Variants in HMBOX1 observed in about 807,000 individuals in gnomAD.
HMBOX1 encodes homeobox containing 1, also known as homeobox-containing protein 1.
In HMBOX1, 14 loss-of-function variants were observed where a neutral mutation model predicts 54.5. The ratio of observed to expected loss-of-function variants is 0.26; its 90% CI spans 0.17 to 0.40. HMBOX1 has a LOEUF of 0.40. HMBOX1 is among the 10% of genes least tolerant of loss of function. HMBOX1 has a pLI of 1.00. For synonymous variants in HMBOX1, 160 were observed against 181.0 expected, an observed-to-expected ratio of 0.88 and a Z score of 0.93; for missense variants, 332 against 514.4, an observed-to-expected ratio of 0.65 and a Z score of 3.43.
chr8:28,900,435 A>G (rs1315004756), intron 1 of HMBOX1, among the ~76,000 whole-genome samples: 1 of 151,830 alleles, frequency 6.6e-6, no homozygotes, highest in Non-Finnish European at 1.5e-5. Context: ...ATGTCTACTT[A>G]GAACCTATTA....
At chr8:29,008,409 T>G (rs1833768473) in intron 4 of HMBOX1, among the ~76,000 whole-genome samples, 1 of 152,224 alleles carries the variant, frequency 6.6e-6, no homozygotes. Flanking sequence ...TGTTCAGTTT[T>G]GTGGAAAGCT....
chr8:28,921,256 A>T (rs1019421822), intron 1 of HMBOX1, among the ~76,000 whole-genome samples: 2 of 152,224 alleles, frequency 1.3e-5, no homozygotes, highest in African/African-American at 2.4e-5. Context: ...GAATCACTTG[A>T]GCCTGGGAGG....
intron 1 of HMBOX1, among the ~76,000 whole-genome samples, chr8:28,933,093 A>G (rs143724340): frequency 8.5e-5 from 13 of 152,238 alleles, no homozygotes; most frequent in Non-Finnish European, 7.4e-5. Context: ...TTTTGATGGA[A>G]AGAAGGGGAA....
At chr8:29,045,242 C>T (rs17526069) in intron 6 of HMBOX1, 119 bp from the exon 7 acceptor site, 88,195 of 769,076 alleles carry the variant, frequency 0.11, 5,435 homozygotes, top group Middle Eastern at 0.18. Context: ...CATTTGACAG[C>T]CTGGACCTAG....
intron 1 of HMBOX1, among the ~76,000 whole-genome samples, chr8:28,929,174 G>A (rs1289074931): frequency 6.6e-6 from 1 of 152,140 alleles, no homozygotes; most frequent in African/African-American, 2.4e-5. Context: ...AATCTGAGAG[G>A]CGTGGTACAA....
At position 29,051,308 on chromosome 8, in the gene HMBOX1, G is replaced by GC; in HGVS notation, c.*156dup. On this transcript the variant is annotated 3_prime_UTR_variant, in exon 10 of 10. Coordinates refer to ENST00000287701, the MANE Select transcript of HMBOX1 (RefSeq NM_001135726.3). ...TCTTGTTCTGTGAAGATGGCATGGT[G>GC]CCCTCAGCCTTTGCATATACTCTCT... The GC allele has an allele frequency of 1.3e-6, 1 of 772,554 alleles. No homozygotes were observed. The highest frequency in any genetic ancestry group is 2.1e-6 in the Non-Finnish European group (1 of 480,998). The allele number at this position is 772,554 out of a possible 1,614,324, so 47.9% of individuals were successfully genotyped here. A position where few individuals can be genotyped will look rare whatever the true frequency, so the allele number is the denominator to read the frequency against.
chr8:28,946,504 A>G (rs1316045001), intron 1 of HMBOX1, among the ~76,000 whole-genome samples: 1 of 151,866 alleles, frequency 6.6e-6, no homozygotes, highest in African/African-American at 2.4e-5. Context: ...CGGGAGGTGG[A>G]TGTTGCAGTG....
At chr8:29,021,016 A>C (rs185239272) in intron 6 of HMBOX1, among the ~76,000 whole-genome samples, 4 of 152,194 alleles carry the variant, frequency 2.6e-5, no homozygotes, top group African/African-American at 7.2e-5. Flanking sequence ...CTCTACAAAA[A>C]ATTCAAAAAA....
intron 6 of HMBOX1, among the ~76,000 whole-genome samples, chr8:29,043,087 T>C (rs1213954959): frequency 1.3e-5 from 2 of 152,176 alleles, no homozygotes; most frequent in Non-Finnish European, 2.9e-5. Context: ...AGGCACCCCG[T>C]TTATTTCAGT....
intron 4 of HMBOX1, among the ~76,000 whole-genome samples, chr8:28,994,205 G>C (rs1440500810): frequency 6.7e-6 from 1 of 150,360 alleles, no homozygotes; most frequent in Non-Finnish European, 1.5e-5. Flanking sequence ...GGAGGAAAGA[G>C]TTGGCCAAAT....
In HMBOX1 at chr8:29,051,220, G is replaced by A. The variant is rs946025754; in HGVS notation, c.*65G>A. ...GTAGCACCTTAGCAGACTTTCCTCG[G>A]TCCTTAACATGTGTTCTTACAGTAT... On this transcript the variant is annotated 3_prime_UTR_variant, in exon 10 of 10. Coordinates refer to ENST00000287701, the MANE Select transcript of HMBOX1 (RefSeq NM_001135726.3). 6.5e-7 allele frequency: 1 copy of A among 1,549,568 alleles called. No individual in the cohort carries two copies. The highest frequency in any genetic ancestry group is 1.4e-5 in the African/African-American group (1 of 73,368).
intron 5 of HMBOX1, 160 bp downstream of exon 5, chr8:29,009,342 GAC>G: frequency 1.5e-6 from 1 of 661,866 alleles, no homozygotes; most frequent in Non-Finnish European, 1.9e-6. Flanking sequence ...GCTAAACCCT[GAC>G]TGTAATAAAT....
intron 2 of HMBOX1, among the ~76,000 whole-genome samples, chr8:28,964,568 C>T (rs1010073774): frequency 2.0e-5 from 3 of 152,194 alleles, no homozygotes; most frequent in Admixed American, 1.3e-4. Context: ...TCTTTAGAGT[C>T]GAATGCAGAG....
In HMBOX1 at chr8:28,903,689, C is replaced by T. The variant is rs1319946488; in HGVS notation, c.-58+13011C>T. 2.0e-5 allele frequency among the ~76,000 whole-genome samples: 3 copies of T among 152,166 alleles called. No individual in the cohort carries two copies. In the East Asian group the frequency reaches 5.8e-4, roughly 29 times the overall value. ...TTCCTGTTGTGTATGCAAAAGACAT[C>T]TTAAATGACTTAACTTGAACTAGGA... On this transcript the variant is annotated intron_variant, in intron 1 of 9. Coordinates refer to ENST00000287701, the MANE Select transcript of HMBOX1 (RefSeq NM_001135726.3).
chr8:28,969,176 A>AAAC (rs369802182), intron 2 of HMBOX1, among the ~76,000 whole-genome samples: 41 of 152,134 alleles, frequency 2.7e-4, no homozygotes, highest in East Asian at 1.2e-3. Flanking sequence ...TCTGTATCCA[A>AAAC]AACAACAACA....
intron 1 of HMBOX1, among the ~76,000 whole-genome samples, chr8:28,920,795 CCAGA>C (rs938208054): frequency 2.6e-5 from 4 of 152,056 alleles, no homozygotes; most frequent in Admixed American, 6.5e-5. Flanking sequence ...TTTTGAGAGA[CCAGA>C]CAATCAGTAG....
chr8:29,033,702 T>C (rs2133209322), intron 6 of HMBOX1, among the ~76,000 whole-genome samples: 1 of 152,238 alleles, frequency 6.6e-6, no homozygotes, highest in African/African-American at 2.4e-5. Context: ...ACCCCTTATT[T>C]CTCTAGTCCC....
chr8:28,987,526 C>T (rs955923104), intron 4 of HMBOX1, among the ~76,000 whole-genome samples: 5 of 152,110 alleles, frequency 3.3e-5, no homozygotes, highest in African/African-American at 1.2e-4. Context: ...AAATAACTTC[C>T]TGCAGAAGAG....
chr8:28,984,035 A>G (rs962906813), intron 4 of HMBOX1, among the ~76,000 whole-genome samples: 3 of 152,234 alleles, frequency 2.0e-5, no homozygotes, highest in Non-Finnish European at 4.4e-5. Context: ...GAGAATAGTG[A>G]GGTAGTAGAA....
Sources: gnomAD v4.1 joint callset for allele counts (sites outside exome capture counted in the v4.1 genomes callset) on GRCh38, gnomAD v4.1.1 for gene constraint, MANE v1.5 for transcripts, NCBI Gene and HGNC (gene_info 2026-07-23, HGNC 2026-07-21) for gene names.